The following PDE10A variants were observed in gnomAD, a reference collection of about 807,000 sequenced individuals.
PDE10A encodes the protein phosphodiesterase 10A, also known as cAMP and cAMP-inhibited cGMP 3',5'-cyclic phosphodiesterase 10A.
A neutral mutation model predicts 97.7 loss-of-function variants in PDE10A; 39 were observed. That is an observed-to-expected ratio of 0.40 (90% CI 0.31 to 0.52). The LOEUF (loss-of-function observed/expected upper bound fraction) is 0.52. Among genes scored for constraint, PDE10A ranks in the 20% least tolerant of loss-of-function variants. PDE10A has a pLI of 0.56. For synonymous variants in PDE10A, 371 were observed against 376.8 expected, an observed-to-expected ratio of 0.98 and a Z score of 0.18; for missense variants, 731 against 1,047.8, an observed-to-expected ratio of 0.70 and a Z score of 4.17.
chr6:165,962,678 T>A (rs983955661), intron 1 of PDE10A, among the ~76,000 whole-genome samples: 1 of 152,226 alleles, frequency 6.6e-6, no homozygotes, highest in Non-Finnish European at 1.5e-5. Context: ...AGACGGGCTG[T>A]GGTGATGTCA....
chr6:165,423,432 G>A (rs932770543), intron 10 of PDE10A, among the ~76,000 whole-genome samples: 2 of 152,170 alleles, frequency 1.3e-5, no homozygotes, highest in African/African-American at 2.4e-5. Context: ...TGTTGGTTAC[G>A]AGTTCTCACA....
rs146618937 is a variant in PDE10A, at chr6:165,627,892, C to A, written c.865+34055G>T. On this transcript the variant is annotated intron_variant, in intron 1 of 21. Coordinates refer to ENST00000539869, the MANE Select transcript of PDE10A (RefSeq NM_001385079.1). ...GAAGCCGCATTACCTATCACCAAGTCCAACCCATAAAGCTGAAGCCACTTA... is the reference window on the plus strand; with the variant it reads ...GAAGCCGCATTACCTATCACCAAGTACAACCCATAAAGCTGAAGCCACTTA... Among the ~76,000 whole-genome samples, 213 of 152,278 alleles carry A rather than the reference C, an allele frequency of 1.4e-3. 1 individual carries two copies. Among genetic ancestry groups the A allele is most frequent in the African/African-American group, 4.7e-3 (196 of 41,550 alleles).
intron 1 of PDE10A, among the ~76,000 whole-genome samples, chr6:165,674,427 T>C (rs754348855): frequency 1.3e-5 from 2 of 152,096 alleles, no homozygotes; most frequent in Non-Finnish European, 2.9e-5. Flanking sequence ...TTCCTTTCTA[T>C]TCTGAGCTCC....
chr6:165,664,788 TCTC>T (rs1314764844), upstream of PDE10A, among the ~76,000 whole-genome samples: 21 of 152,352 alleles, frequency 1.4e-4, no homozygotes, highest in African/African-American at 4.1e-4. Flanking sequence ...AAGTCGAGTT[TCTC>T]CTCAAGTGTT....
intron 4 of PDE10A, among the ~76,000 whole-genome samples, chr6:165,450,020 A>G (rs948081144): frequency 1.3e-5 from 2 of 152,242 alleles, no homozygotes; most frequent in African/African-American, 4.8e-5. Context: ...TATTACCTGT[A>G]TATATCAGGC....
At chr6:165,390,620 G>C (rs1246563989) in intron 16 of PDE10A, among the ~76,000 whole-genome samples, 3 of 152,198 alleles carry the variant, frequency 2.0e-5, no homozygotes, top group African/African-American at 7.2e-5. Context: ...GGAGGCGACA[G>C]ATACAATAAA....
intron 1 of PDE10A, among the ~76,000 whole-genome samples, chr6:165,850,358 G>T (rs1211835966): frequency 6.6e-6 from 1 of 152,216 alleles, no homozygotes; most frequent in African/African-American, 2.4e-5. Context: ...GGAAGTGCGT[G>T]GGACTCTCAG....
intron 1 of PDE10A, among the ~76,000 whole-genome samples, chr6:165,728,938 A>G (rs1562707363): frequency 6.6e-6 from 1 of 152,204 alleles, no homozygotes; most frequent in Non-Finnish European, 1.5e-5. Context: ...GTCACTTAGA[A>G]TGAAATTAAG....
At chr6:165,861,269 G>A (rs532038423) in intron 1 of PDE10A, among the ~76,000 whole-genome samples, 3 of 152,150 alleles carry the variant, frequency 2.0e-5, no homozygotes, top group Admixed American at 1.3e-4. Context: ...GAGTGTCTGG[G>A]ATTGCCAGGT....
chr6:165,642,921 C>A (rs898799304), intron 1 of PDE10A, among the ~76,000 whole-genome samples: 3 of 151,350 alleles, frequency 2.0e-5, no homozygotes, highest in East Asian at 3.9e-4. Flanking sequence ...TTTTTTTTTA[C>A]GGCAAATATG....
At chr6:165,945,551 C>CATGA (rs1437988386) in intron 1 of PDE10A, among the ~76,000 whole-genome samples, 2 of 152,162 alleles carry the variant, frequency 1.3e-5, no homozygotes, top group Admixed American at 6.5e-5. Context: ...GTGTAGCCTT[C>CATGA]ATGAATGGGA....
intron 1 of PDE10A, among the ~76,000 whole-genome samples, chr6:165,724,156 G>A (rs758462400): frequency 3.3e-5 from 5 of 152,166 alleles, no homozygotes; most frequent in African/African-American, 4.8e-5. Context: ...TATGCTTGAC[G>A]TCTTTGCCCT....
chr6:165,347,506 C>A (rs185878243), intron 18 of PDE10A, among the ~76,000 whole-genome samples: 538 of 152,114 alleles, frequency 3.5e-3, no homozygotes, highest in Non-Finnish European at 5.9e-3. Context: ...TTCTCCATTA[C>A]AGAGAGAAAA....
chr6:165,714,450 C>T (rs545234615), intron 1 of PDE10A, among the ~76,000 whole-genome samples: 1 of 152,344 alleles, frequency 6.6e-6, no homozygotes, highest in East Asian at 1.9e-4. Flanking sequence ...CAAAGCCAAG[C>T]TTTCTTTCCA....
rs1780288320 is a variant in PDE10A at position 165,842,422 on chromosome 6, A to G, written c.-615+145107T>C. Among the ~76,000 whole-genome samples the G allele has an allele frequency of 3.3e-5, 5 of 152,348 alleles. No individual in the cohort carries two copies. The South Asian group carries it at 1.0e-3, about 32-fold the overall frequency. On this transcript the variant is annotated intron_variant, in intron 1 of 19. Transcript: ENST00000366882. ...CGGAGCTTGGCAGTTAGGCCTTTGC[A>G]TATGCTAAAGAAACGTAGGCATTCA...
chr6:165,714,608 C>T (rs1038074301), intron 1 of PDE10A, among the ~76,000 whole-genome samples: 2 of 152,226 alleles, frequency 1.3e-5, no homozygotes, highest in African/African-American at 4.8e-5. Flanking sequence ...CAACCCCATT[C>T]GCAGCCCATC....
chr6:165,542,040 C>T (rs6930116), intron 2 of PDE10A, among the ~76,000 whole-genome samples: 1,888 of 152,166 alleles, frequency 0.012, 43 homozygotes, highest in African/African-American at 0.042. Context: ...TTATTCATTG[C>T]TATTAGACAT....
chr6:165,545,501 C>A (rs1203310881), intron 1 of PDE10A, among the ~76,000 whole-genome samples: 1 of 151,978 alleles, frequency 6.6e-6, no homozygotes, highest in African/African-American at 2.4e-5. Flanking sequence ...CATTACCATA[C>A]AAGTCATATT....
chr6:165,909,448 G>C (rs1209184608), intron 1 of PDE10A, among the ~76,000 whole-genome samples: 1 of 152,240 alleles, frequency 6.6e-6, no homozygotes, highest in Non-Finnish European at 1.5e-5. Flanking sequence ...GGACAAATAG[G>C]AGATACAATA....
Sources: gnomAD v4.1 joint callset for allele counts (sites outside exome capture counted in the v4.1 genomes callset) on GRCh38, gnomAD v4.1.1 for gene constraint, MANE v1.5 for transcripts, NCBI Gene and HGNC (gene_info 2026-07-23, HGNC 2026-07-21) for gene names.